The following SUPT20H variants were observed in gnomAD, a reference collection of about 807,000 sequenced individuals.
The protein encoded by SUPT20H is transcription factor SPT20 homolog.
In SUPT20H, 82 loss-of-function variants were observed where a neutral mutation model predicts 122.8. The observed-to-expected ratio is 0.67, with a 90% CI of 0.56 to 0.80. The LOEUF is 0.80. Among genes scored for constraint, SUPT20H ranks in the 30% least tolerant of loss-of-function variants. The probability of loss-of-function intolerance (pLI) is 0.00; values close to 1 mark genes in which losing one functional copy is unlikely to be tolerated. For synonymous variants in SUPT20H, 291 were observed against 313.0 expected (o/e 0.93, Z 0.74); for missense variants, 831 against 921.6 (o/e 0.90, Z 1.27).
chr13:37,017,143 G>T, intron 23 of SUPT20H, 102 bp downstream of exon 23: 1 of 1,519,024 alleles, frequency 6.6e-7, no homozygotes. Flanking sequence ...AAACAGTACA[G>T]GAAATGTTTA....
At chr13:37,059,338 A>AT (rs1262010515) in intron 1 of SUPT20H, 6 of 152,172 alleles carry the variant, frequency 3.9e-5, no homozygotes, top group Admixed American at 3.3e-4. Context: ...TCAAACTAAA[A>AT]TTAAAAGTTC....
At chr13:37,021,089 C>T (rs2061401317) in intron 21 of SUPT20H, among the ~76,000 whole-genome samples, 1 of 152,160 alleles carries the variant, frequency 6.6e-6, no homozygotes, top group Non-Finnish European at 1.5e-5. Context: ...AGAATCCAGG[C>T]TCTTAACTGC....
Position 37,009,312 on chromosome 13 carries a change from T to C in SUPT20H, c.*360A>G. 1 of 1,425,618 alleles carries C rather than the reference T, an allele frequency of 7.0e-7. No individual in the cohort carries two copies. Among genetic ancestry groups the C allele is most frequent in the African/African-American group, 1.4e-5 (1 of 71,038 alleles). The allele number at this position is 1,425,618 out of a possible 1,614,324, so 88.3% of individuals were successfully genotyped here. A position where few individuals can be genotyped will look rare whatever the true frequency, so the allele number is the denominator to read the frequency against. On this transcript the variant is annotated 3_prime_UTR_variant, in exon 26 of 26. Coordinates refer to ENST00000350612, the MANE Select transcript of SUPT20H (RefSeq NM_001014286.3). Reference sequence around the variant, plus strand: ...GAAACCCAAATAAACAGCCACCACATTTTCAAAACAGATTTGTAAAAATTG... The same window carrying C: ...GAAACCCAAATAAACAGCCACCACACTTTCAAAACAGATTTGTAAAAATTG...
At chr13:37,038,978 C>A (rs2064994357) in intron 9 of SUPT20H, 1 of 152,100 alleles carries the variant, frequency 6.6e-6, no homozygotes, top group Non-Finnish European at 1.5e-5. Flanking sequence ...GAGAAGAATG[C>A]CTCAAAGAAA....
Position 37,024,342 on chromosome 13 carries a change from G to A in SUPT20H, c.1430C>T (p.Ser477Leu), listed in dbSNP as rs140927030. The A allele has an allele frequency of 7.0e-6, 11 of 1,576,796 alleles. No individual in the cohort carries two copies. The highest frequency in any genetic ancestry group is 9.4e-6 in the Non-Finnish European group (11 of 1,166,340). The change falls in exon 18 of 26, where the codon TCA (serine) becomes TTA (leucine). Residue 477 changes from serine (S) to leucine (L), a missense_variant and splice_region_variant. Physicochemically the swap from Ser to Leu is moderately radical, Grantham distance 145 (BLOSUM62 -2). Coordinates refer to ENST00000350612, the MANE Select transcript of SUPT20H (RefSeq NM_001014286.3). ...CAAAAAACTAAGAAATGTAATACCTGAGGAACTATTTCCTGAGCTTGAGGG... is the reference window on the plus strand; with the variant it reads ...CAAAAAACTAAGAAATGTAATACCTAAGGAACTATTTCCTGAGCTTGAGGG... ...KLPSSSGNSSSGNYFTPQQTS... is the reference protein window; with the variant it reads ...KLPSSSGNSSLGNYFTPQQTS...
intron 15 of SUPT20H, 107 bp from the exon 16 acceptor site, chr13:37,026,343 A>C (rs372912957): frequency 3.7e-6 from 3 of 816,790 alleles, no homozygotes; most frequent in Non-Finnish European, 1.8e-6. Context: ...ACAGTAATAT[A>C]AACTGGTATT....
At chr13:37,023,151 TAAG>T (rs2061649102) in intron 19 of SUPT20H, 1 of 1,039,552 alleles carries the variant, frequency 9.6e-7, no homozygotes, top group African/African-American at 1.7e-5. Flanking sequence ...ACCCACAACA[TAAG>T]AAGTGTGAAT....
chr13:37,052,759 G>A (rs1418939916), intron 1 of SUPT20H, among the ~76,000 whole-genome samples: 2 of 152,118 alleles, frequency 1.3e-5, no homozygotes, highest in African/African-American at 4.8e-5. Context: ...TACAGAATGG[G>A]CGATAATTTT....
chr13:37,019,521 C>T, intron 21 of SUPT20H, 124 bp from the exon 22 acceptor site: 1 of 530,634 alleles, frequency 1.9e-6, no homozygotes, highest in Non-Finnish European at 3.1e-6. Flanking sequence ...GCTTATTTTC[C>T]ATACTTCAAA....
rs138075900 is a variant in SUPT20H at position 37,021,453 on chromosome 13, T to C, written c.1811A>G (p.Gln604Arg). Residue 604 changes from glutamine (Q) to arginine (R), a missense_variant, in exon 21 of 26, where the codon CAA becomes CGA. Physicochemically the swap from Gln to Arg is conservative, Grantham distance 43. Transcript: ENST00000350612. Reference sequence around the variant, plus strand: ...ATTATTTCCAACATTCTGACCTGCTTGAGAAGCTGCCTGCATTGCACTGGG... The same window carrying C: ...ATTATTTCCAACATTCTGACCTGCTCGAGAAGCTGCCTGCATTGCACTGGG... ...ALPSAMQAAS[Q>R]AGVPFGLKNT... 5 of 1,605,542 alleles carry C rather than the reference T, an allele frequency of 3.1e-6. No individual in the cohort carries two copies. The highest frequency in any genetic ancestry group is 3.4e-6 in the Non-Finnish European group (4 of 1,176,036).
intron 5 of SUPT20H, chr13:37,046,825 T>C (rs1566320410): frequency 6.6e-6 from 1 of 152,198 alleles, no homozygotes; most frequent in African/African-American, 2.4e-5. Flanking sequence ...TACTGTAAGA[T>C]TTACTTATAA....
intron 1 of SUPT20H, among the ~76,000 whole-genome samples, chr13:37,056,713 T>C (rs566301861): frequency 6.6e-6 from 1 of 151,242 alleles, no homozygotes; most frequent in Non-Finnish European, 1.5e-5. Context: ...CATGTATACA[T>C]ATGTAACAAA....
rs756224812 is a variant in SUPT20H at position 37,017,323 on chromosome 13, C to T, written c.1914G>A (p.Gln638=). 12 of 1,613,880 alleles carry T rather than the reference C, an allele frequency of 7.4e-6. No individual in the cohort carries two copies. Among genetic ancestry groups the T allele is most frequent in the Non-Finnish European group, 1.0e-5 (12 of 1,179,932 alleles). The change falls in exon 23 of 26, where the codon CAG becomes CAA. Residue 638 remains glutamine, a synonymous_variant. Coordinates refer to ENST00000350612, the MANE Select transcript of SUPT20H (RefSeq NM_001014286.3). The part of the protein sequence containing the change: ...GSLIFNTLQQ[Q]QQQLSQFTPQ... ...GTGTAAACTGGGAGAGCTGCTGTTG[C>T]TGCTGCTGCAGAGTGTTAAAAATAA...
At chr13:37,041,337 G>C (rs1437354162) in intron 7 of SUPT20H, among the ~76,000 whole-genome samples, 1 of 152,046 alleles carries the variant, frequency 6.6e-6, no homozygotes, top group Non-Finnish European at 1.5e-5. Flanking sequence ...CTAACATGGT[G>C]AAACTGCGTC....
At chr13:37,051,634 G>GGAA in intron 1 of SUPT20H, 51 bp from the exon 2 acceptor site, 2 of 375,936 alleles carry the variant, frequency 5.3e-6, no homozygotes, top group Non-Finnish European at 8.8e-6. Context: ...GCTATTAAGA[G>GGAA]AAAAAAAAAG....
At chr13:37,016,995 A>G (rs2060623929) in intron 23 of SUPT20H, among the ~76,000 whole-genome samples, 1 of 152,186 alleles carries the variant, frequency 6.6e-6, no homozygotes, top group Non-Finnish European at 1.5e-5. Flanking sequence ...TCTGCCACTC[A>G]CTGTATGGCT....
At chr13:37,012,329 A>C in intron 23 of SUPT20H, 32 bp from the exon 24 acceptor site, 1 of 1,568,126 alleles carries the variant, frequency 6.4e-7, no homozygotes, top group Non-Finnish European at 8.7e-7. Flanking sequence ...GACTTGTACA[A>C]GAAAGAAAAA....
intron 14 of SUPT20H, 96 bp from the exon 15 acceptor site, chr13:37,026,912 G>C: frequency 1.3e-6 from 1 of 755,454 alleles, no homozygotes; most frequent in Non-Finnish European, 2.0e-6. Flanking sequence ...ATGGAAGAAT[G>C]ACTGGAAGAT....
At chr13:37,024,496 C>T (rs966424024) in intron 17 of SUPT20H, 54 bp from the exon 18 acceptor site, 134 of 1,131,316 alleles carry the variant, frequency 1.2e-4, no homozygotes, top group Non-Finnish European at 1.5e-4. Flanking sequence ...GCTATAAACC[C>T]CAGATGATAT....
Sources: allele counts gnomAD v4.1 joint callset (sites outside exome capture counted in the v4.1 genomes callset), GRCh38; gene constraint gnomAD v4.1.1; transcripts MANE v1.5; gene names NCBI Gene and HGNC (gene_info 2026-07-23, HGNC 2026-07-21).